KDSR: variants seen among roughly 807,000 people sequenced by gnomAD.
KDSR encodes the protein 3-dehydrosphinganine reductase.
A neutral mutation model predicts 41.3 loss-of-function variants in KDSR; 23 were observed. The observed-to-expected ratio is 0.56, with a 90% CI of 0.40 to 0.79. KDSR has a LOEUF of 0.79. Ranked by LOEUF, KDSR falls within the 30% of genes least tolerant of loss-of-function variation. The probability of loss-of-function intolerance (pLI) is 0.00; values close to 1 mark genes in which losing one functional copy is unlikely to be tolerated. For synonymous variants in KDSR, 138 were observed against 151.7 expected (o/e 0.91, Z 0.66); for missense variants, 351 against 416.8 (o/e 0.84, Z 1.37).
chr18:63,334,149 A>C lies in KDSR; in HGVS notation c.879+1108T>G, dbSNP rs563237945. On this transcript the variant is annotated intron_variant, in intron 9 of 9. Transcript: ENST00000645214. ...CAGTGTCAACCTCTAAGAGAATGGC[A>C]AAGACAGTAGGTACATTACAGAATG... 2.0e-5 allele frequency among the ~76,000 whole-genome samples: 3 copies of C among 152,350 alleles called. No homozygotes were observed. The East Asian group carries it at 5.8e-4, about 29-fold the overall frequency.
chr18:63,333,972 A>G (rs1914086538), intron 9 of KDSR, among the ~76,000 whole-genome samples: 1 of 152,196 alleles, frequency 6.6e-6, no homozygotes, highest in African/African-American at 2.4e-5. Context: ...GTGAGCCACC[A>G]TGCCAGCCCA....
intron 5 of KDSR, among the ~76,000 whole-genome samples, chr18:63,354,120 G>A (rs913994935): frequency 6.6e-6 from 1 of 152,052 alleles, no homozygotes; most frequent in Non-Finnish European, 1.5e-5. Flanking sequence ...TCTAGGGATA[G>A]TAAGTCTAGA....
At position 63,361,018 on chromosome 18, in the gene KDSR, A is replaced by T. The variant is rs12604156; in HGVS notation, c.199-1226T>A. On this transcript the variant is annotated intron_variant, in intron 2 of 9. Coordinates refer to ENST00000645214, the MANE Select transcript of KDSR (RefSeq NM_002035.4). ...AAAAAAAAAATATATATATATATAA[A>T]ATATATAATATATATAATAAAAATA... Among the ~76,000 whole-genome samples, 61 of 17,936 alleles carry T rather than the reference A, an allele frequency of 3.4e-3. 1 individual carries two copies. In the East Asian group the frequency reaches 0.049, roughly 14 times the overall value. 11.8% of individuals were successfully genotyped at this position (17,936 alleles called of 152,430 possible).
chr18:63,366,427 C>T (rs1189550731), intron 1 of KDSR: 1 of 152,680 alleles, frequency 6.5e-6, no homozygotes, highest in African/African-American at 2.4e-5. Flanking sequence ...ACCGCCAGCC[C>T]GCTGGGTTCT....
chr18:63,331,549 A>C lies in KDSR; in HGVS notation c.*233T>G. The C allele has an allele frequency of 5.2e-6, 2 of 387,376 alleles. No individual in the cohort carries two copies. The highest frequency in any genetic ancestry group is 4.6e-6 in the Non-Finnish European group (1 of 215,104). 24.0% of individuals were successfully genotyped at this position (387,376 alleles called of 1,614,324 possible). A position where few individuals can be genotyped will look rare whatever the true frequency, so the allele number is the denominator to read the frequency against. ...ATTCTCATACCTTCACCTCTCTACC[A>C]CAAAGCCTAGAAAATCAAATGGTCT... is the stretch of plus-strand genomic sequence containing the variant. On this transcript the variant is annotated 3_prime_UTR_variant, in exon 10 of 10. Transcript: ENST00000645214.
intron 5 of KDSR, among the ~76,000 whole-genome samples, chr18:63,353,183 A>G (rs1289528978): frequency 2.0e-5 from 3 of 150,794 alleles, no homozygotes; most frequent in Non-Finnish European, 4.4e-5. Flanking sequence ...TCCGTCTCCA[A>G]AAAAAAAAGA....
chr18:63,346,429 A>C (rs1356543629), intron 6 of KDSR: 1 of 152,318 alleles, frequency 6.6e-6, no homozygotes, highest in South Asian at 2.1e-4. Flanking sequence ...GCCCACATAA[A>C]GACTGACATC....
At chr18:63,334,910 G>A (rs1914112188) in intron 9 of KDSR, among the ~76,000 whole-genome samples, 1 of 152,170 alleles carries the variant, frequency 6.6e-6, no homozygotes, top group Non-Finnish European at 1.5e-5. Context: ...TTTTAAGCAA[G>A]GCTACCCCTT....
At chr18:63,336,800 A>G (rs1298278289) in intron 8 of KDSR, among the ~76,000 whole-genome samples, 3 of 152,186 alleles carry the variant, frequency 2.0e-5, no homozygotes, top group Non-Finnish European at 4.4e-5. Context: ...ATATCAAAAA[A>G]GAATGTCCAT....
At chr18:63,343,758 AGC>A (rs1431885631) in intron 7 of KDSR, among the ~76,000 whole-genome samples, 2 of 151,624 alleles carry the variant, frequency 1.3e-5, no homozygotes, top group Non-Finnish European at 2.9e-5. Context: ...AAAAAAAAAA[AGC>A]AGTATAAACA....
intron 1 of KDSR, chr18:63,366,354 C>A (rs1915135347): frequency 6.6e-6 from 1 of 152,372 alleles, no homozygotes; most frequent in Non-Finnish European, 1.5e-5. Flanking sequence ...TCAGCAGATG[C>A]CACGCTGAGC....
At chr18:63,333,413 G>C (rs890399973) in intron 9 of KDSR, among the ~76,000 whole-genome samples, 1 of 152,212 alleles carries the variant, frequency 6.6e-6, no homozygotes, top group Non-Finnish European at 1.5e-5. Context: ...GCTTTATCCT[G>C]ATGGTATCAA....
At chr18:63,364,214 T>G (rs1915071043) in intron 1 of KDSR, among the ~76,000 whole-genome samples, 1 of 152,142 alleles carries the variant, frequency 6.6e-6, no homozygotes, top group South Asian at 2.1e-4. Context: ...GCCCCCACAC[T>G]GACACACTTT....
At chr18:63,362,507 G>A (rs375371148) in intron 2 of KDSR, among the ~76,000 whole-genome samples, 1 of 152,214 alleles carries the variant, frequency 6.6e-6, no homozygotes, top group Non-Finnish European at 1.5e-5. Flanking sequence ...CCTTCAACTA[G>A]ACCTTGGCCT....
chr18:63,365,993 C>T (rs1915124427), intron 1 of KDSR: 1 of 152,204 alleles, frequency 6.6e-6, no homozygotes, highest in African/African-American at 2.4e-5. Flanking sequence ...AGCGGGGAGG[C>T]TCGGATCTCC....
intron 1 of KDSR, chr18:63,366,615 C>G (rs1191054234): frequency 6.2e-6 from 1 of 162,206 alleles, no homozygotes; most frequent in Admixed American, 6.5e-5. Flanking sequence ...CACCACCGAC[C>G]GCTGTGTCCT....
intron 3 of KDSR, among the ~76,000 whole-genome samples, chr18:63,357,588 A>AT (rs1162409539): frequency 0.021 from 1,347 of 62,850 alleles, 25 homozygotes; most frequent in African/African-American, 0.071. Context: ...ATATATATAT[A>AT]TATATATTTT....
intron 7 of KDSR, among the ~76,000 whole-genome samples, chr18:63,339,752 C>T (rs954711977): frequency 1.3e-5 from 2 of 152,178 alleles, no homozygotes; most frequent in South Asian, 2.1e-4. Flanking sequence ...CTTTTCTTTG[C>T]GATGTCTTGC....
intron 6 of KDSR, chr18:63,346,471 C>T (rs940303544): frequency 6.6e-6 from 1 of 152,256 alleles, no homozygotes; most frequent in Admixed American, 6.5e-5. Flanking sequence ...TGTGCTGCCC[C>T]TCTGCCTTCT....
Sources: gnomAD v4.1 joint callset for allele counts (sites outside exome capture counted in the v4.1 genomes callset) on GRCh38, gnomAD v4.1.1 for gene constraint, MANE v1.5 for transcripts, NCBI Gene and HGNC (gene_info 2026-07-23, HGNC 2026-07-21) for gene names.